MBD3: variants seen among roughly 807,000 people sequenced by gnomAD.
MBD3 encodes methyl-CpG-binding domain protein 3.
Under a neutral mutation model 31.2 loss-of-function variants are expected in MBD3, and 13 were observed. That is an observed-to-expected ratio of 0.42 (90% CI 0.27 to 0.66). The LOEUF (loss-of-function observed/expected upper bound fraction) is 0.66. MBD3 is among the 30% of genes least tolerant of loss of function. The pLI is 0.26. For missense variants in MBD3, 440 were observed against 426.5 expected (o/e 1.03, Z -0.28); for synonymous variants, 223 against 187.4 (o/e 1.19, Z -1.55).
At chr19:1,583,020 A>G (rs2060660229) in intron 3 of MBD3, among the ~76,000 whole-genome samples, 1 of 152,044 alleles carries the variant, frequency 6.6e-6, no homozygotes, top group Non-Finnish European at 1.5e-5. Flanking sequence ...CCTGGTCAAC[A>G]TGGTGAAACC....
chr19:1,592,432 G>C, intron 1 of MBD3, 90 bp downstream of exon 1: 1 of 406,176 alleles, frequency 2.5e-6, no homozygotes, highest in Non-Finnish European at 3.7e-6. Flanking sequence ...CGGGGCCCAG[G>C]CCGCGGCCCG....
In MBD3 at chr19:1,585,248, G is replaced by GGACC; in HGVS notation, c.111-38_111-35dup. ...AGGCGGGACGGTCGGCGCCCCGGGCGGACCCCAGACCCCAAACCCAGGCCT... is the reference window on the plus strand; with the variant it reads ...AGGCGGGACGGTCGGCGCCCCGGGCGGACCGACCCCAGACCCCAAACCCAGGCCT... On this transcript the variant is annotated intron_variant, in intron 1 of 6. Transcript: ENST00000434436. This position sits in a 1 kb window ranked among gnomAD's most constrained non-coding sequence, Gnocchi z 4.1. 6.5e-7 allele frequency: 1 copy of GGACC among 1,547,110 alleles called. No homozygotes were observed. Among genetic ancestry groups the GGACC allele is most frequent in the East Asian group, 2.4e-5 (1 of 41,550 alleles).
At chr19:1,583,329 A>T (rs1054870159) in intron 3 of MBD3, 1 of 140,200 alleles carries the variant, frequency 7.1e-6, no homozygotes, top group Non-Finnish European at 1.5e-5. Flanking sequence ...CAGAGGTTGT[A>T]GTGAGTTAAG....
chr19:1,583,532 C>T (rs1048054846), intron 3 of MBD3, among the ~76,000 whole-genome samples: 20 of 151,952 alleles, frequency 1.3e-4, no homozygotes, highest in African/African-American at 4.8e-4. Flanking sequence ...CAGCGGCAGA[C>T]TGAAAATATT....
At chr19:1,589,974 T>TA (rs1356892412) in intron 1 of MBD3, among the ~76,000 whole-genome samples, 8 of 152,144 alleles carry the variant, frequency 5.3e-5, no homozygotes, top group African/African-American at 1.9e-4. Context: ...GTTCTGGAAT[T>TA]AGATAGCGGT....
intron 1 of MBD3, among the ~76,000 whole-genome samples, chr19:1,591,460 G>A (rs1316526070): frequency 6.6e-6 from 1 of 152,176 alleles, no homozygotes; most frequent in African/African-American, 2.4e-5. Context: ...CGGTCGTTCT[G>A]CCCCTCCTTG....
At chr19:1,588,607 C>T (rs1363822440) in intron 1 of MBD3, among the ~76,000 whole-genome samples, 2 of 151,416 alleles carry the variant, frequency 1.3e-5, no homozygotes, top group Non-Finnish European at 1.5e-5. Context: ...CATGGTGAAA[C>T]CCGTTTCTAC....
Position 1,578,635 on chromosome 19 carries a change from G to T in MBD3, c.678-97C>A. The T allele has an allele frequency of 6.3e-7, 1 of 1,597,616 alleles. No individual in the cohort carries two copies. Among genetic ancestry groups the T allele is most frequent in the Non-Finnish European group, 8.5e-7 (1 of 1,179,256 alleles). On this transcript the variant is annotated intron_variant, in intron 5 of 6. Transcript: ENST00000434436. This position sits in a 1 kb window ranked among gnomAD's most constrained non-coding sequence, Gnocchi z 6.1. ...GGACCTCAGCTGGGAGGGGAGGCCCGAGGGATCCACAGGCACCCCCCCAGG... is the reference window on the plus strand; with the variant it reads ...GGACCTCAGCTGGGAGGGGAGGCCCTAGGGATCCACAGGCACCCCCCCAGG...
chr19:1,590,466 A>G (rs2060698509), intron 1 of MBD3, among the ~76,000 whole-genome samples: 1 of 152,000 alleles, frequency 6.6e-6, no homozygotes, highest in Admixed American at 6.6e-5. Context: ...ATCTCTATAA[A>G]AATAAGCCAG....
At chr19:1,582,547 G>T in intron 4 of MBD3, 75 bp downstream of exon 4, 1 of 1,389,438 alleles carries the variant, frequency 7.2e-7, no homozygotes, top group Non-Finnish European at 1.0e-6. Flanking sequence ...ACCCTGCCAG[G>T]AGATGAGGGC....
At chr19:1,591,289 C>T (rs1046290386) in intron 1 of MBD3, among the ~76,000 whole-genome samples, 1 of 152,236 alleles carries the variant, frequency 6.6e-6, no homozygotes, top group Admixed American at 6.5e-5. Flanking sequence ...TTGCTGTCCT[C>T]CAACTTTCCA....
chr19:1,588,343 G>A lies in MBD3; in HGVS notation c.111-3129C>T, dbSNP rs375911791. 2.6e-5 allele frequency among the ~76,000 whole-genome samples: 4 copies of A among 152,138 alleles called. No individual in the cohort carries two copies. In the East Asian group the frequency reaches 7.7e-4, roughly 29 times the overall value. ...CGTTCAGTCGAAGCTGGTTTGCCCAGGGCAGTGGAAAGAAACCAAGAAACC... is the reference window on the plus strand; with the variant it reads ...CGTTCAGTCGAAGCTGGTTTGCCCAAGGCAGTGGAAAGAAACCAAGAAACC... On this transcript the variant is annotated intron_variant, in intron 1 of 6. Transcript: ENST00000434436.
chr19:1,584,903 C>T (rs2060671036), intron 2 of MBD3, 152 bp downstream of exon 2: 11 of 1,220,792 alleles, frequency 9.0e-6, no homozygotes, highest in East Asian at 2.6e-5. Context: ...CGCTCTGCAC[C>T]CTGTGGCCTG....
At chr19:1,580,434 C>G (rs1036906326) in intron 5 of MBD3, among the ~76,000 whole-genome samples, 2 of 152,266 alleles carry the variant, frequency 1.3e-5, no homozygotes, top group African/African-American at 4.8e-5. Flanking sequence ...CGTTCCGGGT[C>G]TTGGCTCCTT....
chr19:1,573,612 T>G lies in MBD3; in HGVS notation c.*4552A>C, dbSNP rs1282950745. ...GGCAGGACAGCAGAGACAGGAGCAT[T>G]TTATTGCTTGTAAATTACATCTCAA... On this transcript the variant is annotated 3_prime_UTR_variant, in exon 7 of 7. Coordinates refer to ENST00000434436, the MANE Select transcript of MBD3 (RefSeq NM_001281453.2). 6.6e-6 allele frequency: 1 copy of G among 152,202 alleles called. No homozygotes were observed. The highest frequency in any genetic ancestry group is 1.5e-5 in the Non-Finnish European group (1 of 68,042). The allele number at this position is 152,202 out of a possible 1,614,324, so 9.4% of individuals were successfully genotyped here.
rs11671869 is a variant in MBD3 at position 1,578,321 on chromosome 19, T to C, written c.*5+14A>G. On this transcript the variant is annotated intron_variant, in intron 6 of 6. Coordinates refer to ENST00000434436, the MANE Select transcript of MBD3 (RefSeq NM_001281453.2). This position sits in a 1 kb window ranked among gnomAD's most constrained non-coding sequence, Gnocchi z 6.1. ...AGGACCCGACTCCAGGGAGCCCCCG[T>C]GGCCCCGCAGCACCTGCCCTAGACG... 6.2e-7 allele frequency: 1 copy of C among 1,601,148 alleles called. No homozygotes were observed. The highest frequency in any genetic ancestry group is 8.5e-7 in the Non-Finnish European group (1 of 1,179,668).
At position 1,584,531 on chromosome 19, in the gene MBD3, T is replaced by G. The variant is rs989483889; in HGVS notation, c.408+9A>C. 2 of 1,612,904 alleles carry G rather than the reference T, an allele frequency of 1.2e-6. No homozygotes were observed. Among genetic ancestry groups the G allele is most frequent in the Non-Finnish European group, 1.7e-6 (2 of 1,179,786 alleles). On this transcript the variant is annotated intron_variant, in intron 3 of 6. Coordinates refer to ENST00000434436, the MANE Select transcript of MBD3 (RefSeq NM_001281453.2). ...CGGGAAGGCTGGGGTCGCTGTGCGT[T>G]GAGCTCACCTGGCGCGGCTGGTCCA...
chr19:1,586,070 G>A (rs992524257), intron 1 of MBD3: 11 of 152,206 alleles, frequency 7.2e-5, no homozygotes, highest in African/African-American at 2.7e-4. Context: ...ATCATGGTTG[G>A]GATGTAAGAT....
intron 4 of MBD3, 175 bp from the exon 5 acceptor site, chr19:1,581,444 G>C: frequency 1.4e-6 from 1 of 705,376 alleles, no homozygotes; most frequent in African/African-American, 1.8e-5. Flanking sequence ...ATTCATAACA[G>C]AAAAAAAAGC....
Sources: allele counts gnomAD v4.1 joint callset (sites outside exome capture counted in the v4.1 genomes callset), GRCh38; gene constraint gnomAD v4.1.1; non-coding constraint Gnocchi (gnomAD v3.1); transcripts MANE v1.5; gene names NCBI Gene and HGNC (gene_info 2026-07-23, HGNC 2026-07-21).